Variants in MAN1A1 observed in about 807,000 individuals in gnomAD.
The protein encoded by MAN1A1 is mannosidase alpha class 1A member 1.
In MAN1A1, 29 loss-of-function variants were observed where a neutral mutation model predicts 70.8. The observed-to-expected ratio is 0.41, with a 90% CI of 0.31 to 0.56. The LOEUF (loss-of-function observed/expected upper bound fraction) is 0.56. Among genes scored for constraint, MAN1A1 ranks in the 20% least tolerant of loss-of-function variants. MAN1A1 has a pLI of 0.29. For missense variants in MAN1A1, 747 were observed against 841.3 expected (o/e 0.89, Z 1.39); for synonymous variants, 349 against 330.1 (o/e 1.06, Z -0.62).
intron 8 of MAN1A1, among the ~76,000 whole-genome samples, chr6:119,198,183 G>A (rs1582688415): frequency 6.6e-6 from 1 of 152,356 alleles, no homozygotes; most frequent in South Asian, 2.1e-4. Context: ...GAGGTCAGGA[G>A]TTCGAGACCA....
chr6:119,245,126 A>G (rs1043678222), intron 6 of MAN1A1, among the ~76,000 whole-genome samples: 1 of 152,162 alleles, frequency 6.6e-6, no homozygotes, highest in East Asian at 1.9e-4. Flanking sequence ...CAGCCAGCAC[A>G]TTCAGTGTCT....
chr6:119,314,480 C>T (rs1772797516), intron 2 of MAN1A1, among the ~76,000 whole-genome samples: 1 of 152,206 alleles, frequency 6.6e-6, no homozygotes, highest in South Asian at 2.1e-4. Context: ...ATCCTTACAA[C>T]ACCCTCTCTG....
chr6:119,281,072 G>A (rs1035984551), intron 5 of MAN1A1, among the ~76,000 whole-genome samples: 6 of 152,198 alleles, frequency 3.9e-5, no homozygotes, highest in South Asian at 2.1e-4. Flanking sequence ...CTGGAAGGCC[G>A]GGGAGAAGCC....
intron 6 of MAN1A1, among the ~76,000 whole-genome samples, chr6:119,218,872 TG>T (rs1203124311): frequency 6.6e-6 from 1 of 151,478 alleles, no homozygotes; most frequent in Non-Finnish European, 1.5e-5. Context: ...AATAATTATC[TG>T]TTTTTTTTTT....
intron 4 of MAN1A1, among the ~76,000 whole-genome samples, chr6:119,301,524 C>T (rs546451538): frequency 2.6e-5 from 4 of 152,116 alleles, no homozygotes; most frequent in South Asian, 2.1e-4. Flanking sequence ...TCTTTCTTTA[C>T]GGGAAAATGA....
At chr6:119,247,793 T>C (rs536432999) in intron 6 of MAN1A1, among the ~76,000 whole-genome samples, 1 of 152,190 alleles carries the variant, frequency 6.6e-6, no homozygotes, top group Non-Finnish European at 1.5e-5. Flanking sequence ...CCACAGGTGC[T>C]CCCAGTCTCC....
chr6:119,268,119 A>G (rs2299881), intron 5 of MAN1A1, among the ~76,000 whole-genome samples: 71,461 of 151,954 alleles, frequency 0.47, 17,116 homozygotes, highest in East Asian at 0.65. Context: ...ATTCATCAGG[A>G]GTTGTAAAAA....
chr6:119,244,548 T>C (rs1432707518), intron 6 of MAN1A1, among the ~76,000 whole-genome samples: 1 of 152,066 alleles, frequency 6.6e-6, no homozygotes, highest in African/African-American at 2.4e-5. Context: ...CAATTAAAAT[T>C]TTTTTTTCTG....
At chr6:119,327,378 G>GTTTTTTTTTTTTTTTTTTTTTTTTTTTTT (rs1186844213) in intron 2 of MAN1A1, 2 of 123,554 alleles carry the variant, frequency 1.6e-5, no homozygotes, top group Non-Finnish European at 1.7e-5. Context: ...GAAGCATTCC[G>GTTTTTTTTTTTTTTTTTTTTTTTTTTTTT]TTTTTTTTTT....
At position 119,179,179 on chromosome 6, in the gene MAN1A1, C is replaced by A. The variant is rs949779654; in HGVS notation, c.*640G>T. On this transcript the variant is annotated 3_prime_UTR_variant, in exon 13 of 13. Transcript: ENST00000368468. ...AAATAGAAAACACTAATATAATTAA[C>A]CAACAAAAATATACTGCAGTTCCGA... 5 of 152,368 alleles carry A rather than the reference C, an allele frequency of 3.3e-5. No homozygotes were observed. The highest frequency in any genetic ancestry group is 7.4e-5 in the Non-Finnish European group (5 of 67,982). 9.4% of individuals were successfully genotyped at this position (152,368 alleles called of 1,614,324 possible). A position where few individuals can be genotyped will look rare whatever the true frequency, so the allele number is the denominator to read the frequency against.
intron 5 of MAN1A1, among the ~76,000 whole-genome samples, chr6:119,258,660 G>A (rs1775524614): frequency 1.3e-5 from 2 of 152,128 alleles, no homozygotes; most frequent in South Asian, 4.1e-4. Flanking sequence ...TAGTTATGAA[G>A]CATTCTACAC....
intron 5 of MAN1A1, among the ~76,000 whole-genome samples, chr6:119,283,280 T>C (rs1233742037): frequency 1.3e-5 from 2 of 152,212 alleles, no homozygotes; most frequent in East Asian, 3.8e-4. Context: ...TAAAAGTCAC[T>C]GGAAGAATTT....
chr6:119,217,392 C>G (rs574706422), intron 6 of MAN1A1, among the ~76,000 whole-genome samples: 1 of 152,266 alleles, frequency 6.6e-6, no homozygotes, highest in South Asian at 2.1e-4. Context: ...AGCAATTCCC[C>G]TGCCTCAGCC....
chr6:119,343,249 A>G (rs1054775901), intron 2 of MAN1A1, among the ~76,000 whole-genome samples: 1 of 152,142 alleles, frequency 6.6e-6, no homozygotes, highest in Non-Finnish European at 1.5e-5. Context: ...AGCACGGATA[A>G]TTTATACAAT....
intron 5 of MAN1A1, among the ~76,000 whole-genome samples, chr6:119,281,342 A>C (rs1776220272): frequency 6.6e-6 from 1 of 152,202 alleles, no homozygotes; most frequent in Non-Finnish European, 1.5e-5. Context: ...AGTCTAACCC[A>C]AGTCAGTGGT....
intron 9 of MAN1A1, among the ~76,000 whole-genome samples, chr6:119,191,278 C>T (rs1481047773): frequency 6.6e-6 from 1 of 152,146 alleles, no homozygotes; most frequent in Non-Finnish European, 1.5e-5. Flanking sequence ...TTGTTCATCA[C>T]CTAAGAAATT....
intron 2 of MAN1A1, among the ~76,000 whole-genome samples, chr6:119,321,485 T>C (rs1358910362): frequency 3.9e-5 from 6 of 152,172 alleles, no homozygotes. Flanking sequence ...TTATGAAGGA[T>C]CTGTCCCTCT....
intron 5 of MAN1A1, among the ~76,000 whole-genome samples, chr6:119,287,207 A>G (rs1377232777): frequency 6.6e-6 from 1 of 152,096 alleles, no homozygotes; most frequent in Non-Finnish European, 1.5e-5. Context: ...GGGTGTCCCA[A>G]GGTGATAGTA....
chr6:119,208,090 T>C (rs769720976), intron 6 of MAN1A1, among the ~76,000 whole-genome samples: 13 of 152,170 alleles, frequency 8.5e-5, no homozygotes, highest in Non-Finnish European at 1.8e-4. Flanking sequence ...ATTTAAATAT[T>C]ACCAATCTTG....
Sources: allele counts gnomAD v4.1 joint callset (sites outside exome capture counted in the v4.1 genomes callset), GRCh38; gene constraint gnomAD v4.1.1; transcripts MANE v1.5; gene names NCBI Gene and HGNC (gene_info 2026-07-23, HGNC 2026-07-21).